Variants in CSMD3 observed in about 807,000 individuals in gnomAD.
The protein encoded by CSMD3 is CUB and Sushi multiple domains 3.
Under a neutral mutation model 435.2 loss-of-function variants are expected in CSMD3, and 177 were observed. The ratio of observed to expected loss-of-function variants is 0.41; its 90% CI spans 0.36 to 0.46. The LOEUF (loss-of-function observed/expected upper bound fraction) is 0.46. Ranked by LOEUF, CSMD3 falls within the 20% of genes least tolerant of loss-of-function variation. CSMD3 has a pLI of 0.34. For missense variants in CSMD3, 4,265 were observed against 4,504.6 expected (o/e 0.95, Z 1.52); for synonymous variants, 1,656 against 1,520.5 (o/e 1.09, Z -2.07).
chr8:112,352,562 A>C (rs1826227560), intron 38 of CSMD3, 28 bp from the exon 39 acceptor site: 3 of 1,577,868 alleles, frequency 1.9e-6, no homozygotes, highest in Non-Finnish European at 2.6e-6. Context: ...TAACAATTTA[A>C]GTAACTTTCA....
chr8:112,536,261 G>T (rs571091146), intron 27 of CSMD3, among the ~76,000 whole-genome samples: 1 of 150,986 alleles, frequency 6.6e-6, no homozygotes, highest in South Asian at 2.1e-4. Context: ...GAAAATTTTC[G>T]CAACCTACTC....
At chr8:112,368,764 G>T (rs1828032405) in intron 38 of CSMD3, among the ~76,000 whole-genome samples, 1 of 151,912 alleles carries the variant, frequency 6.6e-6, no homozygotes, top group Non-Finnish European at 1.5e-5. Flanking sequence ...AATTATCTGA[G>T]GTCTACTCTA....
chr8:112,875,869 C>T (rs1034791461), intron 10 of CSMD3, among the ~76,000 whole-genome samples: 1 of 152,064 alleles, frequency 6.6e-6, no homozygotes, highest in Non-Finnish European at 1.5e-5. Flanking sequence ...GAATATGCTC[C>T]TTTAGCTTGG....
At chr8:112,869,914 A>G (rs1019744180) in intron 10 of CSMD3, among the ~76,000 whole-genome samples, 13 of 152,122 alleles carry the variant, frequency 8.5e-5, no homozygotes, top group South Asian at 6.2e-4. Flanking sequence ...GAGCATTAGG[A>G]CAAATACATA....
intron 38 of CSMD3, among the ~76,000 whole-genome samples, chr8:112,367,664 A>G (rs1320122051): frequency 6.6e-6 from 1 of 152,166 alleles, no homozygotes; most frequent in African/African-American, 2.4e-5. Flanking sequence ...TTGTGAACCA[A>G]TGCAACAGCC....
intron 2 of CSMD3, among the ~76,000 whole-genome samples, chr8:113,296,357 A>G (rs1442066969): frequency 6.6e-6 from 1 of 151,762 alleles, no homozygotes; most frequent in Non-Finnish European, 1.5e-5. Flanking sequence ...CATCTCTACT[A>G]AAATACAAAA....
chr8:112,343,030 TATAG>T (rs1825326919), intron 41 of CSMD3, among the ~76,000 whole-genome samples: 1 of 143,482 alleles, frequency 7.0e-6, no homozygotes, highest in Non-Finnish European at 1.5e-5. Flanking sequence ...TATATATATA[TATAG>T]TTTAAATACA....
chr8:113,189,226 A>G (rs1489319031), intron 3 of CSMD3, among the ~76,000 whole-genome samples: 1 of 151,860 alleles, frequency 6.6e-6, no homozygotes, highest in Non-Finnish European at 1.5e-5. Context: ...AGTTCATGAT[A>G]CAATACAATG....
intron 47 of CSMD3, among the ~76,000 whole-genome samples, chr8:112,318,199 A>G (rs10505179): frequency 0.04 from 6,043 of 151,974 alleles, 399 homozygotes; most frequent in African/African-American, 0.14. Context: ...AATAAGACTC[A>G]TTGTCATTTG....
chr8:113,073,018 GAAAAAAACCTTCAGA>G (rs1416628426), intron 5 of CSMD3, among the ~76,000 whole-genome samples: 1 of 122,664 alleles, frequency 8.2e-6, no homozygotes, highest in Non-Finnish European at 1.6e-5. Flanking sequence ...TACCCCCAAG[GAAAAAAACCTTCAGA>G]AAAAAAAATG....
At chr8:112,527,737 T>C (rs1235835082) in intron 27 of CSMD3, among the ~76,000 whole-genome samples, 1 of 152,072 alleles carries the variant, frequency 6.6e-6, no homozygotes, top group Non-Finnish European at 1.5e-5. Context: ...GTATAATATA[T>C]GTTTATCTTT....
chr8:112,503,674 T>C lies in CSMD3; in HGVS notation c.5083+116A>G, dbSNP rs536611343. ...TTTATGAGATGAACTGTACATAATC[T>C]GCATTTAAAAATACACATAAAACTA... On this transcript the variant is annotated intron_variant, in intron 30 of 70. Transcript: ENST00000297405. 192 of 694,234 alleles carry C rather than the reference T, an allele frequency of 2.8e-4. No individual in the cohort carries two copies. The African/African-American group carries it at 3.1e-3, about 11-fold the overall frequency. 43.0% of individuals were successfully genotyped at this position (694,234 alleles called of 1,614,324 possible). A position where few individuals can be genotyped will look rare whatever the true frequency, so the allele number is the denominator to read the frequency against.
intron 13 of CSMD3, among the ~76,000 whole-genome samples, chr8:112,799,155 C>T (rs2078900943): frequency 6.6e-6 from 1 of 151,766 alleles, no homozygotes; most frequent in African/African-American, 2.4e-5. Context: ...AATAAACTGG[C>T]ATTTACATAG....
At chr8:113,276,273 T>C (rs541871708) in intron 3 of CSMD3, among the ~76,000 whole-genome samples, 1 of 152,090 alleles carries the variant, frequency 6.6e-6, no homozygotes, top group Non-Finnish European at 1.5e-5. Flanking sequence ...TAGCATTCAT[T>C]AGCCAGATGG....
chr8:112,805,432 C>T (rs527709989), intron 12 of CSMD3, among the ~76,000 whole-genome samples: 24 of 152,014 alleles, frequency 1.6e-4, no homozygotes, highest in African/African-American at 5.3e-4. Context: ...CAAACAATAC[C>T]CTTTGTCAAA....
At chr8:112,715,024 CAA>C (rs2076693279) in intron 13 of CSMD3, among the ~76,000 whole-genome samples, 2 of 151,884 alleles carry the variant, frequency 1.3e-5, no homozygotes, top group African/African-American at 2.4e-5. Context: ...ACTAGAGAAA[CAA>C]GAGCAAATAA....
intron 27 of CSMD3, among the ~76,000 whole-genome samples, chr8:112,530,150 A>T (rs1825380516): frequency 6.6e-6 from 1 of 152,144 alleles, no homozygotes; most frequent in Admixed American, 6.6e-5. Context: ...AAAGTGAAGA[A>T]ACCTTAAGGC....
intron 1 of CSMD3, among the ~76,000 whole-genome samples, chr8:113,432,366 C>T (rs529415746): frequency 6.6e-5 from 10 of 152,314 alleles, no homozygotes; most frequent in Admixed American, 5.9e-4. Context: ...CATGCCTGAG[C>T]CGATCTTTCT....
At chr8:112,607,548 A>G (rs1382298583) in intron 22 of CSMD3, among the ~76,000 whole-genome samples, 2 of 152,146 alleles carry the variant, frequency 1.3e-5, no homozygotes, top group Middle Eastern at 3.2e-3. Context: ...ACAGGCTAAT[A>G]TCCATGATGA....
Sources: gnomAD v4.1 joint callset for allele counts (sites outside exome capture counted in the v4.1 genomes callset) on GRCh38, gnomAD v4.1.1 for gene constraint, MANE v1.5 for transcripts, NCBI Gene and HGNC (gene_info 2026-07-23, HGNC 2026-07-21) for gene names.